Variants in TAS2R1 observed in about 807,000 individuals in gnomAD.
TAS2R1 encodes taste receptor type 2 member 1.
For missense variants in TAS2R1, 370 were observed against 353.4 expected (o/e 1.05, Z -0.38); for synonymous variants, 141 against 134.2 (o/e 1.05, Z -0.35).
chr5:9,816,880 T>A, the TAS2R1 span, among the ~76,000 whole-genome samples: 1 of 152,190 alleles, frequency 6.6e-6, no homozygotes, highest in East Asian at 1.9e-4. Context: ...AATGTTTAAA[T>A]GAAACACACT....
chr5:9,715,715 C>T (rs193021849), upstream of TAS2R1, among the ~76,000 whole-genome samples: 6 of 152,308 alleles, frequency 3.9e-5, no homozygotes, highest in Admixed American at 3.3e-4. Context: ...GAGCTTTGAA[C>T]TGGATGGGAG....
intron 1 of TAS2R1, among the ~76,000 whole-genome samples, chr5:9,703,853 T>C (rs1040320365): frequency 1.3e-5 from 2 of 152,206 alleles, no homozygotes; most frequent in African/African-American, 4.8e-5. Context: ...AGGTAAAGCA[T>C]AGCTGCTCTT....
intron 2 of TAS2R1, chr5:9,641,909 T>C (rs1335246386): frequency 6.6e-6 from 1 of 152,232 alleles, no homozygotes; most frequent in African/African-American, 2.4e-5. Context: ...CAGTTTTACA[T>C]GGACAAATAG....
chr5:9,817,933 G>A, the TAS2R1 span, among the ~76,000 whole-genome samples: 1 of 152,028 alleles, frequency 6.6e-6, no homozygotes, highest in African/African-American at 2.4e-5. Context: ...CAGCTCCCAT[G>A]AGAACTCACT....
rs56140715 is a variant in TAS2R1 at position 9,640,497 on chromosome 5, TA to T, written c.-80-10506del. Among the ~76,000 whole-genome samples, 521 of 59,002 alleles carry T rather than the reference TA, an allele frequency of 8.8e-3. 3 individuals carry two copies. Among genetic ancestry groups the T allele is most frequent in the African/African-American group, 0.024 (284 of 12,074 alleles). 38.7% of individuals were successfully genotyped at this position (59,002 alleles called of 152,430 possible). A position where few individuals can be genotyped will look rare whatever the true frequency, so the allele number is the denominator to read the frequency against. On this transcript the variant is annotated intron_variant, in intron 2 of 2. Coordinates refer to the TAS2R1 transcript ENST00000506620. The stretch of plus-strand genomic sequence containing the variant: ...GAATTGCCACAAACCTTCAATTCCT[TA>T]AAAAAAAAAAAAAAAAAAAAAAAAC...
At chr5:9,803,900 T>C in the TAS2R1 span, among the ~76,000 whole-genome samples, 1 of 152,110 alleles carries the variant, frequency 6.6e-6, no homozygotes, top group Admixed American at 6.5e-5. Flanking sequence ...AATACTAACA[T>C]TGAATGTAAA....
intron 1 of TAS2R1, among the ~76,000 whole-genome samples, chr5:9,709,452 C>A (rs987912880): frequency 2.0e-5 from 3 of 152,196 alleles, no homozygotes; most frequent in Non-Finnish European, 2.9e-5. Context: ...GGCCAGTCTT[C>A]AAGAAGCCCC....
the TAS2R1 span, among the ~76,000 whole-genome samples, chr5:9,844,550 A>T: frequency 1.4e-4 from 22 of 152,298 alleles, no homozygotes; most frequent in African/African-American, 5.1e-4. Context: ...TATAGCCTCA[A>T]ATACATCTTG....
chr5:9,745,651 A>G, the TAS2R1 span, among the ~76,000 whole-genome samples: 1 of 152,184 alleles, frequency 6.6e-6, no homozygotes, highest in African/African-American at 2.4e-5. Flanking sequence ...AAACCTGACA[A>G]AAACAAGCAA....
At chr5:9,706,295 A>G (rs42224) in intron 1 of TAS2R1, among the ~76,000 whole-genome samples, 43,441 of 152,158 alleles carry the variant, frequency 0.29, 6,362 homozygotes, top group Admixed American at 0.37. Context: ...AGCCCTGGCC[A>G]TACTCAGAAC....
At chr5:9,811,056 T>A in the TAS2R1 span, among the ~76,000 whole-genome samples, 1 of 152,180 alleles carries the variant, frequency 6.6e-6, no homozygotes, top group South Asian at 2.1e-4. Flanking sequence ...TGAAACCTAA[T>A]TACCAAGGTG....
chr5:9,656,302 G>C (rs1403189798), intron 2 of TAS2R1, among the ~76,000 whole-genome samples: 1 of 152,202 alleles, frequency 6.6e-6, no homozygotes, highest in African/African-American at 2.4e-5. Context: ...AGCATAAACA[G>C]TTATAATGTT....
At chr5:9,762,507 G>T in the TAS2R1 span, among the ~76,000 whole-genome samples, 2 of 152,324 alleles carry the variant, frequency 1.3e-5, no homozygotes, top group Admixed American at 1.3e-4. Flanking sequence ...AAGATGCCAC[G>T]TGGGTTGCTA....
the TAS2R1 span, among the ~76,000 whole-genome samples, chr5:9,783,835 T>G: frequency 6.6e-6 from 1 of 152,116 alleles, no homozygotes; most frequent in Non-Finnish European, 1.5e-5. Context: ...AGTTAATGGG[T>G]TGATGAGTGA....
intron 1 of TAS2R1, among the ~76,000 whole-genome samples, chr5:9,697,215 A>C (rs1741379717): frequency 6.6e-6 from 1 of 152,106 alleles, no homozygotes; most frequent in Admixed American, 6.5e-5. Context: ...AAAAAAGACA[A>C]ACAAAAATTT....
the TAS2R1 span, among the ~76,000 whole-genome samples, chr5:9,858,698 T>C: frequency 2.0e-5 from 3 of 152,284 alleles, no homozygotes; most frequent in South Asian, 4.1e-4. Context: ...GAGGACAATA[T>C]AGAAGGAAAT....
At chr5:9,671,105 A>G (rs370568501) in intron 1 of TAS2R1, among the ~76,000 whole-genome samples, 145 of 152,304 alleles carry the variant, frequency 9.5e-4, no homozygotes, top group African/African-American at 2.7e-3. Flanking sequence ...TTCATGTTAA[A>G]ATCTCTCAAC....
chr5:9,754,758 G>A, the TAS2R1 span, among the ~76,000 whole-genome samples: 1 of 152,252 alleles, frequency 6.6e-6, no homozygotes, highest in East Asian at 1.9e-4. Context: ...ACAAACAAAT[G>A]GAAGAACATT....
At chr5:9,665,821 A>G (rs1408591388) in intron 1 of TAS2R1, among the ~76,000 whole-genome samples, 1 of 152,264 alleles carries the variant, frequency 6.6e-6, no homozygotes, top group Non-Finnish European at 1.5e-5. Context: ...AAGGAACATA[A>G]GGCAGGAGAG....
Sources: gnomAD v4.1 joint callset for allele counts (sites outside exome capture counted in the v4.1 genomes callset) on GRCh38, gnomAD v4.1.1 for gene constraint, MANE v1.5 for transcripts, NCBI Gene and HGNC (gene_info 2026-07-23, HGNC 2026-07-21) for gene names.